The following EHMT1 variants were observed in gnomAD, a reference collection of about 807,000 sequenced individuals.
EHMT1 encodes histone-lysine N-methyltransferase EHMT1.
EHMT1 carries 15 observed loss-of-function variants against 147.2 expected under a neutral mutation model. That is an observed-to-expected ratio of 0.10 (90% CI 0.07 to 0.16). EHMT1 has a LOEUF of 0.16. EHMT1 is among the 10% of genes least tolerant of loss of function. The pLI, the probability that EHMT1 is intolerant of heterozygous loss-of-function variation, is 1.00. For synonymous variants in EHMT1, 795 were observed against 709.6 expected, an observed-to-expected ratio of 1.12 and a Z score of -1.91; for missense variants, 1,587 against 1,772.4, an observed-to-expected ratio of 0.90 and a Z score of 1.88.
chr9:137,814,637 GGT>G, intron 22 of EHMT1, 129 bp downstream of exon 22: 1 of 1,076,490 alleles, frequency 9.3e-7, no homozygotes, highest in Non-Finnish European at 1.4e-6. Context: ...AGGTGAGCTG[GGT>G]GTGACAGGCA....
Position 137,800,949 on chromosome 9 carries a change from C to T in EHMT1, c.2677C>T (p.Leu893=). ...GCACGTGGACCTCGTGAAGCTGCTG[C>T]TGTCCAAGGGCTCTGACATCAACAT... ...YKHVDLVKLL[L]SKGSDINIRD... Residue 893 remains leucine, a synonymous_variant, in exon 18 of 27, where the codon CTG becomes TTG. Transcript: ENST00000460843. 1 of 1,614,196 alleles carries T rather than the reference C, an allele frequency of 6.2e-7. No individual in the cohort carries two copies.
chr9:137,699,349 C>G (rs905124089), intron 1 of EHMT1, among the ~76,000 whole-genome samples: 19 of 152,060 alleles, frequency 1.2e-4, no homozygotes, highest in African/African-American at 4.6e-4. Context: ...TAATGTTGTC[C>G]TGTCAGCCAC....
chr9:137,770,011 A>C (rs1230037189), intron 10 of EHMT1, among the ~76,000 whole-genome samples: 1 of 152,012 alleles, frequency 6.6e-6, no homozygotes, highest in Non-Finnish European at 1.5e-5. Flanking sequence ...TAATTTTTGT[A>C]TTTTTAGTAG....
chr9:137,741,031 C>T (rs1417692500), intron 4 of EHMT1, among the ~76,000 whole-genome samples: 1 of 149,846 alleles, frequency 6.7e-6, no homozygotes, highest in East Asian at 1.9e-4. Context: ...GGCTGGAGTG[C>T]AGTGGTGCGA....
chr9:137,683,438 G>A (rs897939082), intron 1 of EHMT1, among the ~76,000 whole-genome samples: 1 of 152,340 alleles, frequency 6.6e-6, no homozygotes, highest in South Asian at 2.1e-4. Flanking sequence ...TAACGACTGT[G>A]TGAATATGTG....
intron 1 of EHMT1, among the ~76,000 whole-genome samples, chr9:137,683,179 C>T (rs1339400439): frequency 1.3e-5 from 2 of 152,172 alleles, no homozygotes; most frequent in South Asian, 2.1e-4. Context: ...AGTAAAGCTG[C>T]TACTATGGGA....
At chr9:137,750,091 A>G (rs185735397) in intron 6 of EHMT1, among the ~76,000 whole-genome samples, 7 of 152,368 alleles carry the variant, frequency 4.6e-5, no homozygotes, top group Admixed American at 4.6e-4. Context: ...CATCTGAAAC[A>G]TCTAGCAAAA....
At chr9:137,777,109 T>C (rs769547153) in intron 12 of EHMT1, 1 of 452,758 alleles carries the variant, frequency 2.2e-6, no homozygotes, top group Non-Finnish European at 4.1e-6. Flanking sequence ...AGCTCTGTGG[T>C]GTTTCTGTTG....
chr9:137,782,436 C>T lies in EHMT1; in HGVS notation c.2382+39C>T, dbSNP rs1429399721. 2 of 1,538,652 alleles carry T rather than the reference C, an allele frequency of 1.3e-6. No individual in the cohort carries two copies. The highest frequency in any genetic ancestry group is 1.8e-6 in the Non-Finnish European group (2 of 1,134,926). Reference sequence around the variant, plus strand: ...GCGCCCTCCTAGGGCTCTTCACCTGCTCTCTTTTATTTTTACCAAAGTAAA... The same window carrying T: ...GCGCCCTCCTAGGGCTCTTCACCTGTTCTCTTTTATTTTTACCAAAGTAAA... On this transcript the variant is annotated intron_variant, in intron 15 of 26. Coordinates refer to ENST00000460843, the MANE Select transcript of EHMT1 (RefSeq NM_024757.5). The surrounding 1 kb of genome is among the most constrained non-coding windows in gnomAD (Gnocchi z 5.7).
At position 137,782,041 on chromosome 9, in the gene EHMT1, G is replaced by A. The variant is rs1432235746; in HGVS notation, c.2276-250G>A. Among the ~76,000 whole-genome samples the A allele has an allele frequency of 1.3e-5, 2 of 152,210 alleles. No individual in the cohort carries two copies. Among genetic ancestry groups the A allele is most frequent in the Admixed American group, 6.5e-5 (1 of 15,280 alleles). On this transcript the variant is annotated intron_variant, in intron 14 of 26. Coordinates refer to ENST00000460843, the MANE Select transcript of EHMT1 (RefSeq NM_024757.5). The surrounding 1 kb of genome is among the most constrained non-coding windows in gnomAD (Gnocchi z 5.7). ...AGGAACCTCAGAGTTAGAGCAGGGTGGTAAAGGGAAGAGCGTGCCTTGCCG... is the reference window on the plus strand; with the variant it reads ...AGGAACCTCAGAGTTAGAGCAGGGTAGTAAAGGGAAGAGCGTGCCTTGCCG...
intron 21 of EHMT1, 128 bp from the exon 22 acceptor site, chr9:137,814,303 C>CAT (rs755766438): frequency 2.1e-6 from 2 of 969,246 alleles, no homozygotes; most frequent in Non-Finnish European, 1.6e-6. Context: ...GCCACACACT[C>CAT]ACGTGGTGCC....
intron 1 of EHMT1, among the ~76,000 whole-genome samples, chr9:137,621,007 G>A (rs902492721): frequency 6.6e-6 from 1 of 152,200 alleles, no homozygotes; most frequent in Non-Finnish European, 1.5e-5. Flanking sequence ...GTTTATAAAT[G>A]AGAAGACAGG....
chr9:137,832,451 T>G (rs7025616), intron 25 of EHMT1, among the ~76,000 whole-genome samples: 12,873 of 116,618 alleles, frequency 0.11, 2,854 homozygotes, highest in African/African-American at 0.43. Context: ...GATTGGCTGG[T>G]CTCCCTCAGG....
intron 1 of EHMT1, among the ~76,000 whole-genome samples, chr9:137,653,264 T>C (rs1938060228): frequency 1.3e-5 from 2 of 152,236 alleles, no homozygotes; most frequent in South Asian, 4.1e-4. Context: ...ATACTTACCA[T>C]TATATTCCTG....
At chr9:137,665,212 C>T (rs1345844100) in intron 1 of EHMT1, among the ~76,000 whole-genome samples, 1 of 152,152 alleles carries the variant, frequency 6.6e-6, no homozygotes. Flanking sequence ...AGAAAAAGGA[C>T]TTCAAATATT....
rs1227623950 is a variant in EHMT1, at chr9:137,814,254, C to T, written c.3181-177C>T. The T allele has an allele frequency of 4.2e-6, 3 of 709,468 alleles. No homozygotes were observed. In the African/African-American group the frequency reaches 5.2e-5, roughly 12 times the overall value. 43.9% of individuals were successfully genotyped at this position (709,468 alleles called of 1,614,324 possible). On this transcript the variant is annotated intron_variant, in intron 21 of 26. Transcript: ENST00000460843. ...CAGCCAGAGCTCCCTCCCACAGGCA[C>T]TCGACATGTTTCTGCCTGCACAGCC...
chr9:137,752,458 A>G, intron 7 of EHMT1, 50 bp downstream of exon 7: 1 of 1,592,174 alleles, frequency 6.3e-7, no homozygotes, highest in Non-Finnish European at 8.6e-7. Flanking sequence ...GAGGAGATGC[A>G]AAGACACCAG....
At chr9:137,635,688 CG>C (rs1216591784) in intron 1 of EHMT1, among the ~76,000 whole-genome samples, 13 of 150,838 alleles carry the variant, frequency 8.6e-5, no homozygotes, top group South Asian at 4.2e-4. Flanking sequence ...GACGTGGTGG[CG>C]GGCGCCTGTA....
chr9:137,691,254 T>G (rs1053900757), intron 1 of EHMT1, among the ~76,000 whole-genome samples: 1 of 151,714 alleles, frequency 6.6e-6, no homozygotes, highest in Non-Finnish European at 1.5e-5. Context: ...TTCATCTGTG[T>G]TATAGGATGT....
Sources: allele counts gnomAD v4.1 joint callset (sites outside exome capture counted in the v4.1 genomes callset), GRCh38; gene constraint gnomAD v4.1.1; non-coding constraint Gnocchi (gnomAD v3.1); transcripts MANE v1.5; gene names NCBI Gene and HGNC (gene_info 2026-07-23, HGNC 2026-07-21).